The following CADPS2 variants were observed in gnomAD, a reference collection of about 807,000 sequenced individuals.
The protein encoded by CADPS2 is calcium dependent secretion activator 2.
A neutral mutation model predicts 172.5 loss-of-function variants in CADPS2; 93 were observed. The observed-to-expected ratio is 0.54, with a 90% CI of 0.46 to 0.64. The LOEUF is 0.64. Ranked by LOEUF, CADPS2 falls within the 30% of genes least tolerant of loss-of-function variation. The pLI is 0.00. For synonymous variants in CADPS2, 546 were observed against 555.2 expected, an observed-to-expected ratio of 0.98 and a Z score of 0.23; for missense variants, 1,420 against 1,565.9, an observed-to-expected ratio of 0.91 and a Z score of 1.57.
intron 1 of CADPS2, among the ~76,000 whole-genome samples, chr7:122,798,555 T>C (rs1196885076): frequency 3.3e-5 from 5 of 152,184 alleles, no homozygotes; most frequent in Non-Finnish European, 2.9e-5. Flanking sequence ...AAAGCTTACT[T>C]TTATTTTACT....
chr7:122,494,278 T>A (rs2129946265), intron 9 of CADPS2, among the ~76,000 whole-genome samples: 1 of 152,276 alleles, frequency 6.6e-6, no homozygotes, highest in African/African-American at 2.4e-5. Context: ...TTTTATGCAT[T>A]CCTTTGGTCT....
chr7:122,559,831 G>A (rs1263540361), intron 7 of CADPS2, among the ~76,000 whole-genome samples: 2 of 151,288 alleles, frequency 1.3e-5, no homozygotes, highest in Non-Finnish European at 2.9e-5. Flanking sequence ...AGAACCCTCT[G>A]GGCACCACCT....
chr7:122,520,533 C>T (rs944645032), intron 8 of CADPS2, among the ~76,000 whole-genome samples: 3 of 151,964 alleles, frequency 2.0e-5, no homozygotes, highest in Non-Finnish European at 2.9e-5. Context: ...AGATTTAACT[C>T]ATCTTCATAT....
intron 1 of CADPS2, among the ~76,000 whole-genome samples, chr7:122,869,646 C>T (rs972249022): frequency 5.3e-5 from 8 of 151,992 alleles, no homozygotes; most frequent in East Asian, 3.9e-4. Flanking sequence ...TCAAACTCAC[C>T]GGTAAAAGTA....
At chr7:122,543,530 C>A (rs1203523321) in intron 8 of CADPS2, among the ~76,000 whole-genome samples, 1 of 152,010 alleles carries the variant, frequency 6.6e-6, no homozygotes, top group African/African-American at 2.4e-5. Context: ...ATCAAGCATG[C>A]ATTCAGTGCT....
chr7:122,541,867 G>T (rs5022916), intron 8 of CADPS2, among the ~76,000 whole-genome samples: 1,074 of 96,704 alleles, frequency 0.011, 13 homozygotes, highest in African/African-American at 0.032. Context: ...TTATATATAT[G>T]CATATATATT....
chr7:122,778,142 G>T (rs1461822667), intron 1 of CADPS2, among the ~76,000 whole-genome samples: 1 of 152,138 alleles, frequency 6.6e-6, no homozygotes, highest in Non-Finnish European at 1.5e-5. Context: ...TAAAGTCCAG[G>T]CTGAGGTGGT....
intron 3 of CADPS2, among the ~76,000 whole-genome samples, chr7:122,641,449 A>G (rs1384303430): frequency 6.6e-6 from 1 of 152,184 alleles, no homozygotes; most frequent in East Asian, 1.9e-4. Flanking sequence ...TGAAGTTGTG[A>G]GCAAAATTTT....
chr7:122,635,428 C>G (rs538606766), intron 3 of CADPS2, among the ~76,000 whole-genome samples: 2 of 147,404 alleles, frequency 1.4e-5, no homozygotes, highest in Admixed American at 1.4e-4. Context: ...ATCCCTCCCC[C>G]CTCCCCAGAC....
At chr7:122,320,724 A>C (rs1487903869) in intron 29 of CADPS2, among the ~76,000 whole-genome samples, 1 of 152,184 alleles carries the variant, frequency 6.6e-6, no homozygotes, top group Non-Finnish European at 1.5e-5. Flanking sequence ...TAATACTGAA[A>C]AATACATTAT....
chr7:122,826,174 G>A (rs1377695302), intron 1 of CADPS2, among the ~76,000 whole-genome samples: 3 of 152,142 alleles, frequency 2.0e-5, no homozygotes, highest in African/African-American at 7.2e-5. Flanking sequence ...CTGTAGATAG[G>A]AGACAGGCAG....
At chr7:122,732,923 T>C (rs2091825668) in intron 2 of CADPS2, among the ~76,000 whole-genome samples, 2 of 146,616 alleles carry the variant, frequency 1.4e-5, no homozygotes, top group African/African-American at 5.0e-5. Context: ...ATATTATGTA[T>C]AATACATATT....
chr7:122,845,622 T>C (rs1811787237), intron 1 of CADPS2, among the ~76,000 whole-genome samples: 1 of 152,186 alleles, frequency 6.6e-6, no homozygotes, highest in South Asian at 2.1e-4. Flanking sequence ...CCAGCAAGCT[T>C]GGGTTGAAAA....
chr7:122,678,013 CTT>C (rs1158360817), intron 2 of CADPS2, among the ~76,000 whole-genome samples: 1 of 152,176 alleles, frequency 6.6e-6, no homozygotes, highest in Non-Finnish European at 1.5e-5. Context: ...GTATGTCTCT[CTT>C]GTTAAGACTG....
intron 4 of CADPS2, among the ~76,000 whole-genome samples, chr7:122,622,762 G>T (rs544178608): frequency 6.6e-5 from 10 of 152,266 alleles, no homozygotes; most frequent in African/African-American, 2.4e-4. Context: ...CTTTCAAATG[G>T]CTGCTGAATG....
intron 25 of CADPS2, among the ~76,000 whole-genome samples, chr7:122,361,935 T>C (rs556816688): frequency 2.0e-5 from 3 of 152,004 alleles, no homozygotes; most frequent in South Asian, 2.1e-4. Context: ...CAGCAGGGCA[T>C]GGTGGCTCAT....
intron 1 of CADPS2, among the ~76,000 whole-genome samples, chr7:122,759,721 C>T (rs1167175564): frequency 6.6e-6 from 1 of 152,036 alleles, no homozygotes. Context: ...TTTCTTCTTG[C>T]CCAGACCTTT....
intron 18 of CADPS2, among the ~76,000 whole-genome samples, chr7:122,414,580 A>C (rs1049322582): frequency 6.6e-6 from 1 of 152,210 alleles, no homozygotes; most frequent in African/African-American, 2.4e-5. Flanking sequence ...TTCATTTCAA[A>C]TTATTGAAGC....
chr7:122,838,259 C>T (rs753969226), intron 1 of CADPS2, among the ~76,000 whole-genome samples: 1 of 152,066 alleles, frequency 6.6e-6, no homozygotes, highest in African/African-American at 2.4e-5. Flanking sequence ...TCAATAAATT[C>T]GGCATTGATG....
Sources: gnomAD v4.1 joint callset for allele counts (sites outside exome capture counted in the v4.1 genomes callset) on GRCh38, gnomAD v4.1.1 for gene constraint, MANE v1.5 for transcripts, NCBI Gene and HGNC (gene_info 2026-07-23, HGNC 2026-07-21) for gene names.